LRP1B: variants seen among roughly 807,000 people sequenced by gnomAD.
LRP1B encodes the protein low-density lipoprotein receptor-related protein 1B.
A neutral mutation model predicts 556.6 loss-of-function variants in LRP1B; 217 were observed. The observed-to-expected ratio is 0.39, with a 90% confidence interval of 0.35 to 0.44. The LOEUF (loss-of-function observed/expected upper bound fraction) is 0.44, where lower values mean the gene tolerates loss of function less well. LRP1B is among the 20% of genes least tolerant of loss of function. The pLI, the probability that LRP1B is intolerant of heterozygous loss-of-function variation, is 1.00. For missense variants in LRP1B, 5,053 were observed against 5,620.8 expected, an observed-to-expected ratio of 0.90 and a Z score of 3.23; for synonymous variants, 2,047 against 1,865.8, an observed-to-expected ratio of 1.10 and a Z score of -2.50.
chr2:140,704,633 C>A (rs1436366079), intron 37 of LRP1B, among the ~76,000 whole-genome samples: 1 of 152,010 alleles, frequency 6.6e-6, no homozygotes, highest in Non-Finnish European at 1.5e-5. Flanking sequence ...AACTAACTCG[C>A]AAATGAAATG....
At chr2:140,949,575 TA>T (rs1301706911) in intron 20 of LRP1B, among the ~76,000 whole-genome samples, 1 of 29,654 alleles carries the variant, frequency 3.4e-5, no homozygotes, top group African/African-American at 6.7e-5. Context: ...AAAGTAAAAT[TA>T]TTCCTTTCTT....
intron 31 of LRP1B, among the ~76,000 whole-genome samples, chr2:140,815,498 G>A (rs1025337): frequency 0.46 from 69,053 of 151,738 alleles, 16,835 homozygotes; most frequent in East Asian, 0.58. Flanking sequence ...TTCTTTTAGT[G>A]AGTGCAGATT....
intron 5 of LRP1B, among the ~76,000 whole-genome samples, chr2:141,235,249 TA>T (rs1163740248): frequency 1.3e-5 from 2 of 152,082 alleles, no homozygotes; most frequent in Non-Finnish European, 2.9e-5. Flanking sequence ...ATATTTTAAT[TA>T]ATTAATTAAT....
intron 82 of LRP1B, among the ~76,000 whole-genome samples, chr2:140,319,206 G>GAGGATTACATAA (rs920557421): frequency 6.6e-6 from 1 of 152,108 alleles, no homozygotes; most frequent in Non-Finnish European, 1.5e-5. Flanking sequence ...TTACACAGAA[G>GAGGATTACATAA]AGGATTACAT....
chr2:141,563,363 A>C (rs1559142905), intron 2 of LRP1B, among the ~76,000 whole-genome samples: 1 of 152,084 alleles, frequency 6.6e-6, no homozygotes, highest in African/African-American at 2.4e-5. Flanking sequence ...TTGCCAAAGA[A>C]AAGAGTGTAG....
chr2:142,034,824 AC>A (rs1703824503), intron 1 of LRP1B, among the ~76,000 whole-genome samples: 1 of 151,762 alleles, frequency 6.6e-6, no homozygotes, highest in African/African-American at 2.4e-5. Flanking sequence ...GTAACCATAA[AC>A]CTAGCAGCAT....
Position 140,850,291 on chromosome 2 carries a change from T to A in LRP1B, c.4750A>T (p.Ile1584Phe), listed in dbSNP as rs1379322045. Reference sequence around the variant, plus strand: ...GGATTGTCAATATCCACTCCTCTGATTTCAGAACGTCTTGCATAAAGAAGA... The same window carrying A: ...GGATTGTCAATATCCACTCCTCTGAATTCAGAACGTCTTGCATAAAGAAGA... ...KFLLYARRSE[I>F]RGVDIDNPYF... The change falls in exon 29 of 91, where the codon ATC (isoleucine) becomes TTC (phenylalanine). Residue 1584 changes from isoleucine (I) to phenylalanine (F), a missense_variant. Around this residue, in one of 5 missense-constraint regions of LRP1B, gnomAD observed 3,619 missense variants for 3,931.9 expected, o/e 0.92. Coordinates refer to ENST00000389484, the MANE Select transcript of LRP1B (RefSeq NM_018557.3). 1 of 1,612,808 alleles carries A rather than the reference T, an allele frequency of 6.2e-7. No individual in the cohort carries two copies. Among genetic ancestry groups the A allele is most frequent in the South Asian group, 1.1e-5 (1 of 90,880 alleles).
intron 82 of LRP1B, 99 bp from the exon 83 acceptor site, chr2:140,315,198 T>G: frequency 1.3e-6 from 1 of 788,034 alleles, no homozygotes; most frequent in Non-Finnish European, 1.9e-6. Context: ...GGATCTTGTG[T>G]TTCCATAAAA....
chr2:140,314,452 TTA>T (rs34836609), intron 83 of LRP1B, among the ~76,000 whole-genome samples: 6,306 of 152,204 alleles, frequency 0.041, 190 homozygotes, highest in Non-Finnish European at 0.063. Context: ...CCAAAGCACA[TTA>T]TATGATACAG....
chr2:141,876,149 C>A (rs1175378200), intron 1 of LRP1B, among the ~76,000 whole-genome samples: 2 of 151,916 alleles, frequency 1.3e-5, no homozygotes, highest in Non-Finnish European at 1.5e-5. Flanking sequence ...ATGAGTAATT[C>A]TCTGAAAGAC....
At chr2:141,065,060 T>C (rs1699441690) in intron 7 of LRP1B, among the ~76,000 whole-genome samples, 1 of 151,896 alleles carries the variant, frequency 6.6e-6, no homozygotes, top group Admixed American at 6.6e-5. Flanking sequence ...GCCGGAGCCA[T>C]AAATGTCACA....
intron 1 of LRP1B, among the ~76,000 whole-genome samples, chr2:142,040,642 A>G (rs1704033228): frequency 6.8e-6 from 1 of 147,790 alleles, no homozygotes; most frequent in African/African-American, 2.5e-5. Flanking sequence ...TTTTTTTAAT[A>G]GCTAGTTCAG....
intron 1 of LRP1B, among the ~76,000 whole-genome samples, chr2:141,895,379 G>C (rs1699422587): frequency 6.6e-6 from 1 of 152,084 alleles, no homozygotes; most frequent in Admixed American, 6.6e-5. Flanking sequence ...TTGAAGCTGT[G>C]TATCAACTTG....
intron 3 of LRP1B, among the ~76,000 whole-genome samples, chr2:141,352,869 C>A (rs1038293294): frequency 4.0e-5 from 6 of 151,820 alleles, no homozygotes; most frequent in Non-Finnish European, 8.8e-5. Context: ...AGACAAGAAG[C>A]AGAACTGCAA....
chr2:141,112,683 A>G (rs1700785254), intron 7 of LRP1B, among the ~76,000 whole-genome samples: 1 of 152,202 alleles, frequency 6.6e-6, no homozygotes, highest in South Asian at 2.1e-4. Flanking sequence ...AAATGTTGTG[A>G]CCAGAAGCCT....
intron 35 of LRP1B, among the ~76,000 whole-genome samples, chr2:140,765,720 A>G (rs1689079639): frequency 1.3e-5 from 2 of 152,172 alleles, no homozygotes; most frequent in Admixed American, 6.6e-5. Flanking sequence ...ATTTATTACA[A>G]TCAAACCCAG....
intron 1 of LRP1B, among the ~76,000 whole-genome samples, chr2:141,827,133 T>A (rs1010646288): frequency 6.6e-6 from 1 of 152,214 alleles, no homozygotes; most frequent in Non-Finnish European, 1.5e-5. Flanking sequence ...TCTTAAAGTG[T>A]ATTCTTAAAA....
chr2:141,178,561 A>G (rs113394870), intron 7 of LRP1B, among the ~76,000 whole-genome samples: 1 of 152,260 alleles, frequency 6.6e-6, no homozygotes, highest in East Asian at 1.9e-4. Context: ...TAAATGTAGC[A>G]TATCCTATGT....
rs1415699658 is a variant in LRP1B, at chr2:140,444,589, C to T, written c.10148G>A (p.Gly3383Glu). 1 of 1,613,928 alleles carries T rather than the reference C, an allele frequency of 6.2e-7. No individual in the cohort carries two copies. ...AFICDGENDC[G>E]DNSDELNCDT... ...ACAGTTGAGTTCATCAGAATTGTCT[C>T]CACAATCATTCTCTCCATCACAGAT... is the stretch of plus-strand genomic sequence containing the variant. Residue 3383 changes from glycine (G) to glutamate (E), a missense_variant, in exon 64 of 91, where the codon GGA (glycine) becomes GAA (glutamate). Coordinates refer to ENST00000389484, the MANE Select transcript of LRP1B (RefSeq NM_018557.3).
Sources: gnomAD v4.1 joint callset for allele counts (sites outside exome capture counted in the v4.1 genomes callset) on GRCh38, gnomAD v4.1.1 for gene constraint, gnomAD v4.1.1 regional missense constraint, MANE v1.5 for transcripts, NCBI Gene and HGNC (gene_info 2026-07-23, HGNC 2026-07-21) for gene names.